GTF3C4: variants seen among roughly 807,000 people sequenced by gnomAD.
GTF3C4 encodes general transcription factor 3C polypeptide 4.
In GTF3C4, 28 loss-of-function variants were observed where a neutral mutation model predicts 67.5. The observed-to-expected ratio is 0.41, with a 90% CI of 0.31 to 0.57. The LOEUF (loss-of-function observed/expected upper bound fraction) is 0.57. Among genes scored for constraint, GTF3C4 ranks in the 20% least tolerant of loss-of-function variants. The pLI, the probability that GTF3C4 is intolerant of heterozygous loss-of-function variation, is 0.21. For missense variants in GTF3C4, 831 were observed against 1,033.2 expected, an observed-to-expected ratio of 0.80 and a Z score of 2.68; for synonymous variants, 409 against 393.0, an observed-to-expected ratio of 1.04 and a Z score of -0.48.
At chr9:132,676,100 C>T (rs564102848) in intron 1 of GTF3C4, among the ~76,000 whole-genome samples, 4 of 151,278 alleles carry the variant, frequency 2.6e-5, no homozygotes, top group East Asian at 3.9e-4. Flanking sequence ...GGAGTTTCAC[C>T]GTGTTAGCCA....
chr9:132,691,589 A>C lies in GTF3C4; in HGVS notation c.*2644A>C, dbSNP rs1373050543. ...AGTCTGATACCCACATAGGTATCAC[A>C]TTTTCTCTGCCTGGGGTTAATTTGT... On this transcript the variant is annotated 3_prime_UTR_variant, in exon 5 of 5. Coordinates refer to ENST00000372146, the MANE Select transcript of GTF3C4 (RefSeq NM_012204.4). 2 of 152,098 alleles carry C rather than the reference A, an allele frequency of 1.3e-5. No individual in the cohort carries two copies. Among genetic ancestry groups the C allele is most frequent in the Non-Finnish European group, 2.9e-5 (2 of 68,022 alleles). The allele number at this position is 152,098 out of a possible 1,614,324, so 9.4% of individuals were successfully genotyped here.
intron 2 of GTF3C4, among the ~76,000 whole-genome samples, chr9:132,681,846 G>A (rs369510627): frequency 4.6e-4 from 70 of 152,044 alleles, no homozygotes; most frequent in African/African-American, 1.4e-3. Flanking sequence ...TATCTGGGCC[G>A]GGCACAGTGG....
rs1590143576 is a variant in GTF3C4 at position 132,694,666 on chromosome 9, A to G, written c.*5721A>G. 6.6e-6 allele frequency: 1 copy of G among 152,210 alleles called. No homozygotes were observed. Among genetic ancestry groups the G allele is most frequent in the East Asian group, 1.9e-4 (1 of 5,198 alleles). 9.4% of individuals were successfully genotyped at this position (152,210 alleles called of 1,614,324 possible). On this transcript the variant is annotated 3_prime_UTR_variant, in exon 5 of 5. Transcript: ENST00000372146. Reference sequence around the variant, plus strand: ...ATCATATTTTAGTTATTACTTGTTAAAAGGGTAACAGAACCTCTGTTTCTT... The same window carrying G: ...ATCATATTTTAGTTATTACTTGTTAGAAGGGTAACAGAACCTCTGTTTCTT...
At chr9:132,682,123 G>A (rs1300370467) in intron 2 of GTF3C4, among the ~76,000 whole-genome samples, 1 of 152,052 alleles carries the variant, frequency 6.6e-6, no homozygotes, top group Non-Finnish European at 1.5e-5. Flanking sequence ...AGAAAAAATA[G>A]AGGTATGTAT....
chr9:132,671,477 T>C (rs528630883), intron 1 of GTF3C4, among the ~76,000 whole-genome samples: 1 of 152,344 alleles, frequency 6.6e-6, no homozygotes, highest in South Asian at 2.1e-4. Flanking sequence ...TTATTATGAA[T>C]GGTCCTCGCC....
Position 132,678,187 on chromosome 9 carries a change from C to T in GTF3C4, c.568C>T (p.Arg190Cys), listed in dbSNP as rs758147814. The change falls in exon 2 of 5, where the codon CGC (arginine) becomes TGC (cysteine). Residue 190 changes from arginine (R) to cysteine (C), a missense_variant. Around this residue, in one of 4 missense-constraint regions of GTF3C4, gnomAD observed 390 missense variants for 540.3 expected, o/e 0.72. Transcript: ENST00000372146. The surrounding 1 kb of genome is among the most constrained non-coding windows in gnomAD (Gnocchi z 6.5). ...CLLAALTMDN[R>C]LTIQANLNRL... The stretch of plus-strand genomic sequence containing the variant: ...CTTGGCAGCACTGACCATGGACAAT[C>T]GCCTGACCATCCAGGCAAATCTCAA... 43 of 1,614,078 alleles carry T rather than the reference C, an allele frequency of 2.7e-5. No individual in the cohort carries two copies. Among genetic ancestry groups the T allele is most frequent in the Admixed American group, 5.0e-5 (3 of 60,010 alleles).
rs1835703310 is a variant in GTF3C4 at position 132,670,614 on chromosome 9, C to G, written c.16C>G (p.Gln6Glu). The change falls in exon 1 of 5, where the codon CAG (glutamine) becomes GAG (glutamate). Residue 6 changes from glutamine (Q) to glutamate (E), a missense_variant. Around this residue, in one of 4 missense-constraint regions of GTF3C4, gnomAD observed 237 missense variants for 212.7 expected, o/e 1.11. Transcript: ENST00000372146. The stretch of plus-strand genomic sequence containing the variant: ...CTGAGAGAAGATGAACACGGCCGAC[C>G]AGGCCCGGGTGGGGCCCGCGGACGA... MNTAD[Q>E]ARVGPADDGP... 1.4e-6 allele frequency: 2 copies of G among 1,449,108 alleles called. No individual in the cohort carries two copies. 89.8% of individuals were successfully genotyped at this position (1,449,108 alleles called of 1,614,324 possible).
intron 1 of GTF3C4, among the ~76,000 whole-genome samples, chr9:132,673,354 T>C (rs1287714058): frequency 1.3e-5 from 2 of 152,154 alleles, no homozygotes; most frequent in African/African-American, 4.8e-5. Context: ...TATATAGCTC[T>C]CTTATAGTTG....
At chr9:132,676,206 G>C (rs1038692147) in intron 1 of GTF3C4, among the ~76,000 whole-genome samples, 1 of 150,842 alleles carries the variant, frequency 6.6e-6, no homozygotes, top group Non-Finnish European at 1.5e-5. Context: ...GCCATCCTTT[G>C]CTTGTTTCTA....
chr9:132,670,523 TGGC>T lies in GTF3C4; in HGVS notation c.-67_-65del. Reference sequence around the variant, plus strand: ...AAACCGCCGCGGAGGGCGCTGGGGGTGGCGGCGGCGGTCCGGGAGGTGGTCGCG... The same window carrying T: ...AAACCGCCGCGGAGGGCGCTGGGGGTGGCGGCGGTCCGGGAGGTGGTCGCG... On this transcript the variant is annotated 5_prime_UTR_variant, in exon 1 of 5. Transcript: ENST00000372146. 7 of 1,161,548 alleles carry T rather than the reference TGGC, an allele frequency of 6.0e-6. No individual in the cohort carries two copies. Among genetic ancestry groups the T allele is most frequent in the Non-Finnish European group, 8.0e-6 (7 of 877,076 alleles). The allele number at this position is 1,161,548 out of a possible 1,614,324, so 72.0% of individuals were successfully genotyped here. A position where few individuals can be genotyped will look rare whatever the true frequency, so the allele number is the denominator to read the frequency against.
chr9:132,687,032 C>T (rs540478106), intron 3 of GTF3C4, among the ~76,000 whole-genome samples: 21 of 152,138 alleles, frequency 1.4e-4, no homozygotes, highest in African/African-American at 4.6e-4. Context: ...GGATTAGAAC[C>T]GTTGTGTCTC....
At chr9:132,675,664 T>C (rs1835853128) in intron 1 of GTF3C4, among the ~76,000 whole-genome samples, 1 of 152,178 alleles carries the variant, frequency 6.6e-6, no homozygotes, top group Non-Finnish European at 1.5e-5. Context: ...CGTGTCACTT[T>C]TCAAGGGAGA....
At chr9:132,673,944 A>G (rs1244994839) in intron 1 of GTF3C4, among the ~76,000 whole-genome samples, 1 of 152,226 alleles carries the variant, frequency 6.6e-6, no homozygotes, top group Non-Finnish European at 1.5e-5. Context: ...TCATCTAGTG[A>G]GACATTTGTG....
intron 2 of GTF3C4, among the ~76,000 whole-genome samples, chr9:132,682,850 C>T (rs757010432): frequency 6.6e-5 from 10 of 152,074 alleles, no homozygotes; most frequent in East Asian, 1.9e-4. Context: ...GTGATCCACC[C>T]GCCTTGGCCT....
chr9:132,682,832 G>A (rs1835966632), intron 2 of GTF3C4, among the ~76,000 whole-genome samples: 1 of 152,036 alleles, frequency 6.6e-6, no homozygotes, highest in Admixed American at 6.6e-5. Flanking sequence ...TCGAACTCCT[G>A]ACCTCAAGTG....
At chr9:132,671,023 A>G (rs1835730372) in intron 1 of GTF3C4, 68 bp downstream of exon 1, 1 of 1,084,898 alleles carries the variant, frequency 9.2e-7, no homozygotes, top group Non-Finnish European at 1.4e-6. Context: ...CATCCGTCCC[A>G]GGGGAATCCG....
At position 132,679,408 on chromosome 9, in the gene GTF3C4, T is replaced by G; in HGVS notation, c.1789T>G (p.Trp597Gly). 2.5e-6 allele frequency: 4 copies of G among 1,614,140 alleles called. No individual in the cohort carries two copies. Among genetic ancestry groups the G allele is most frequent in the Non-Finnish European group, 3.4e-6 (4 of 1,180,034 alleles). The change falls in exon 2 of 5, where the codon TGG (tryptophan) becomes GGG (glycine). Residue 597 changes from tryptophan (W) to glycine (G), a missense_variant. Physicochemically the swap from Trp to Gly is radical, Grantham distance 184 (BLOSUM62 -2). This residue lies in a region of GTF3C4 where 75 missense variants were observed against 66.4 expected (regional missense o/e 1.13). Transcript: ENST00000372146. The surrounding 1 kb of genome is among the most constrained non-coding windows in gnomAD (Gnocchi z 5.9). Reference sequence around the variant, plus strand: ...GCAGAAAACCCCTTCAGAAGCCTTGTGGAAACCCACCCATGAGGACTCAAA... The same window carrying G: ...GCAGAAAACCCCTTCAGAAGCCTTGGGGAAACCCACCCATGAGGACTCAAA... ...SMQKTPSEAL[W>G]KPTHEDSKIL...
At position 132,670,626 on chromosome 9, in the gene GTF3C4, G is replaced by T; in HGVS notation, c.28G>T (p.Gly10Trp). The change falls in exon 1 of 5, where the codon GGG (glycine) becomes TGG (tryptophan). Residue 10 changes from glycine to tryptophan, a missense_variant. Coordinates refer to ENST00000372146, the MANE Select transcript of GTF3C4 (RefSeq NM_012204.4). MNTADQARV[G>W]PADDGPAPSG... ...GAACACGGCCGACCAGGCCCGGGTG[G>T]GGCCCGCGGACGACGGGCCTGCGCC... The T allele has an allele frequency of 6.9e-7, 1 of 1,452,954 alleles. No individual in the cohort carries two copies. Among genetic ancestry groups the T allele is most frequent in the East Asian group, 2.6e-5 (1 of 38,650 alleles). The allele number at this position is 1,452,954 out of a possible 1,614,324, so 90.0% of individuals were successfully genotyped here. A position where few individuals can be genotyped will look rare whatever the true frequency, so the allele number is the denominator to read the frequency against.
Position 132,670,754 on chromosome 9 carries a change from T to G in GTF3C4, c.156T>G (p.Thr52=). The G allele has an allele frequency of 1.9e-6, 3 of 1,558,496 alleles. No homozygotes were observed. The South Asian group carries it at 3.5e-5, about 18-fold the overall frequency. ...GPSAAFRLMV[T]RREPAVKLQY... ...GCGCTGCATTCCGCCTCATGGTGACTCGGCGGGAGCCGGCCGTGAAGCTGC... is the reference window on the plus strand; with the variant it reads ...GCGCTGCATTCCGCCTCATGGTGACGCGGCGGGAGCCGGCCGTGAAGCTGC... Residue 52 remains threonine (T), a synonymous_variant, in exon 1 of 5, where the codon ACT becomes ACG. Transcript: ENST00000372146.
Sources: gnomAD v4.1 joint callset for allele counts (sites outside exome capture counted in the v4.1 genomes callset) on GRCh38, gnomAD v4.1.1 for gene constraint, gnomAD v4.1.1 regional missense constraint, Gnocchi (gnomAD v3.1) non-coding constraint, MANE v1.5 for transcripts, NCBI Gene and HGNC (gene_info 2026-07-23, HGNC 2026-07-21) for gene names.